FSHR: variants seen among roughly 807,000 people sequenced by gnomAD.
FSHR encodes the protein follicle stimulating hormone receptor.
A neutral mutation model predicts 52.1 loss-of-function variants in FSHR; 46 were observed. That is an observed-to-expected ratio of 0.88 (90% CI 0.70 to 1.13). The LOEUF is 1.13. FSHR is among the 50% of genes most tolerant of loss of function. The probability of loss-of-function intolerance (pLI) is 0.00; values close to 1 mark genes in which losing one functional copy is unlikely to be tolerated. For synonymous variants in FSHR, 399 were observed against 309.6 expected, an observed-to-expected ratio of 1.29 and a Z score of -3.03; for missense variants, 964 against 834.6, an observed-to-expected ratio of 1.16 and a Z score of -1.91.
intron 1 of FSHR, among the ~76,000 whole-genome samples, chr2:49,080,178 A>T (rs1476457675): frequency 6.6e-6 from 1 of 152,220 alleles, no homozygotes; most frequent in African/African-American, 2.4e-5. Context: ...ATTGGTGAAC[A>T]TTGAAAGGAA....
intron 1 of FSHR, among the ~76,000 whole-genome samples, chr2:49,105,494 G>C (rs1358621257): frequency 6.6e-6 from 1 of 151,962 alleles, no homozygotes; most frequent in African/African-American, 2.4e-5. Flanking sequence ...AAAAACAAAG[G>C]TTGGCAATTA....
At chr2:49,088,024 T>C (rs1184555006) in intron 1 of FSHR, among the ~76,000 whole-genome samples, 1 of 152,192 alleles carries the variant, frequency 6.6e-6, no homozygotes, top group African/African-American at 2.4e-5. Flanking sequence ...TTCAAAATCA[T>C]CTTGTGAAAT....
At chr2:48,995,046 C>G (rs1308702919) in intron 4 of FSHR, among the ~76,000 whole-genome samples, 2 of 152,132 alleles carry the variant, frequency 1.3e-5, no homozygotes, top group Non-Finnish European at 2.9e-5. Flanking sequence ...CCCTGAGGCT[C>G]TAAGGCTCAT....
chr2:49,136,793 A>G (rs1672504308), intron 1 of FSHR, among the ~76,000 whole-genome samples: 1 of 152,184 alleles, frequency 6.6e-6, no homozygotes, highest in Non-Finnish European at 1.5e-5. Context: ...TGACACATGT[A>G]AAGCTTCTGA....
intron 2 of FSHR, among the ~76,000 whole-genome samples, chr2:49,038,648 AAT>A (rs1668378543): frequency 6.9e-6 from 1 of 144,632 alleles, no homozygotes; most frequent in African/African-American, 2.5e-5. Context: ...TAATAATAAT[AAT>A]AATAATAATA....
chr2:48,981,437 T>G (rs1005654820), intron 8 of FSHR, among the ~76,000 whole-genome samples: 3 of 152,218 alleles, frequency 2.0e-5, no homozygotes, highest in Admixed American at 2.0e-4. Context: ...GAAATAGGTA[T>G]TGTTTTGGCC....
chr2:49,021,348 G>A (rs1448967841), intron 2 of FSHR, among the ~76,000 whole-genome samples: 1 of 152,166 alleles, frequency 6.6e-6, no homozygotes, highest in East Asian at 1.9e-4. Flanking sequence ...TATTTATAAA[G>A]TGTCTCACAG....
Position 49,085,555 on chromosome 2 carries a change from G to A in FSHR, c.153-17265C>T, listed in dbSNP as rs549779496. ...TCAATTTTGGAATAGGTGTGGTGTG[G>A]TGATTCCTCAGGGATCTAGAACTAG... On this transcript the variant is annotated intron_variant, in intron 1 of 9. Transcript: ENST00000406846. 2.8e-3 allele frequency among the ~76,000 whole-genome samples: 426 copies of A among 152,284 alleles called. 2 individuals carry two copies. Among genetic ancestry groups the A allele is most frequent in the African/African-American group, 9.8e-3 (408 of 41,556 alleles).
At chr2:49,127,751 T>TTTCTTCTTCTTTC (rs1672063448) in intron 1 of FSHR, among the ~76,000 whole-genome samples, 1 of 77,526 alleles carries the variant, frequency 1.3e-5, no homozygotes, top group African/African-American at 5.9e-5. Context: ...CTTCTTCTTC[T>TTTCTTCTTCTTTC]TTCTTCTTCT....
At position 48,986,393 on chromosome 2, in the gene FSHR, C is replaced by CTTTTTT. The variant is rs34394877; in HGVS notation, c.524+2578_524+2583dup. 2.0e-4 allele frequency among the ~76,000 whole-genome samples: 25 copies of CTTTTTT among 124,036 alleles called. 3 individuals are homozygous for CTTTTTT. The highest frequency in any genetic ancestry group is 2.4e-4 in the Non-Finnish European group (15 of 61,918). 81.4% of individuals were successfully genotyped at this position (124,036 alleles called of 152,430 possible). On this transcript the variant is annotated intron_variant, in intron 6 of 9. Coordinates refer to ENST00000406846, the MANE Select transcript of FSHR (RefSeq NM_000145.4). ...ACAGTCATCAGCGCCATTTGCCATG[C>CTTTTTT]TTTTTTTTTTTTTTTTTTCTGAGTG...
intron 1 of FSHR, among the ~76,000 whole-genome samples, chr2:49,125,075 G>C (rs1268313977): frequency 2.6e-5 from 4 of 152,168 alleles, no homozygotes; most frequent in Non-Finnish European, 5.9e-5. Flanking sequence ...CACATGGTTT[G>C]GTCCTTCAAC....
intron 1 of FSHR, among the ~76,000 whole-genome samples, chr2:49,127,830 CTCTTCTTCTTCT>C (rs869083755): frequency 2.4e-4 from 5 of 21,052 alleles, no homozygotes; most frequent in Non-Finnish European, 4.0e-4. Flanking sequence ...CTTCTTCTTC[CTCTTCTTCTTCT>C]TCTTCTTCTT....
intron 1 of FSHR, among the ~76,000 whole-genome samples, chr2:49,150,992 A>G (rs116370819): frequency 0.027 from 4,106 of 152,220 alleles, 91 homozygotes; most frequent in Admixed American, 0.052. Context: ...TTCTGTGTTC[A>G]TAAATAAAGT....
At position 49,120,613 on chromosome 2, in the gene FSHR, T is replaced by C. The variant is rs1671779978; in HGVS notation, c.152+33653A>G. On this transcript the variant is annotated intron_variant, in intron 1 of 9. Coordinates refer to ENST00000406846, the MANE Select transcript of FSHR (RefSeq NM_000145.4). ...CAATCTCTAGAATCAAGAGATATTG[T>C]GCTCTAGTTGAAATAGGGCAGACCT... Among the ~76,000 whole-genome samples, 3 of 152,210 alleles carry C rather than the reference T, an allele frequency of 2.0e-5. No individual in the cohort carries two copies. The South Asian group carries it at 6.2e-4, about 31-fold the overall frequency.
At chr2:49,144,299 T>C (rs1045132348) in intron 1 of FSHR, among the ~76,000 whole-genome samples, 2 of 152,188 alleles carry the variant, frequency 1.3e-5, no homozygotes, top group Non-Finnish European at 2.9e-5. Flanking sequence ...GCTGCGGCTA[T>C]TGTTGCTCTT....
chr2:49,016,263 A>T (rs1463164772), intron 4 of FSHR, among the ~76,000 whole-genome samples: 1 of 152,214 alleles, frequency 6.6e-6, no homozygotes, highest in Non-Finnish European at 1.5e-5. Context: ...GCTTCAAAAA[A>T]TGGCTTCAAT....
intron 1 of FSHR, among the ~76,000 whole-genome samples, chr2:49,134,907 G>T (rs1672429945): frequency 6.6e-6 from 1 of 152,072 alleles, no homozygotes; most frequent in Admixed American, 6.6e-5. Flanking sequence ...ACACTCTGGG[G>T]ACTGTTGTGG....
chr2:49,084,541 T>G (rs1370824139), intron 1 of FSHR, among the ~76,000 whole-genome samples: 2 of 152,092 alleles, frequency 1.3e-5, no homozygotes, highest in African/African-American at 2.4e-5. Context: ...TTTCAAAAAA[T>G]TAATGAATCC....
chr2:48,996,202 G>C (rs990597626), intron 4 of FSHR, among the ~76,000 whole-genome samples: 3 of 151,998 alleles, frequency 2.0e-5, no homozygotes, highest in Non-Finnish European at 4.4e-5. Flanking sequence ...CATTTTTAAA[G>C]TCTCTTGCAT....
Sources: gnomAD v4.1 joint callset for allele counts (sites outside exome capture counted in the v4.1 genomes callset) on GRCh38, gnomAD v4.1.1 for gene constraint, MANE v1.5 for transcripts, NCBI Gene and HGNC (gene_info 2026-07-23, HGNC 2026-07-21) for gene names.